The following LMO7 variants were observed in gnomAD, a reference collection of about 807,000 sequenced individuals.
LMO7 encodes the protein LIM domain only protein 7.
Under a neutral mutation model 206.5 loss-of-function variants are expected in LMO7, and 120 were observed. The ratio of observed to expected loss-of-function variants is 0.58; its 90% CI spans 0.50 to 0.68. The LOEUF (loss-of-function observed/expected upper bound fraction) is 0.68. Ranked by LOEUF, LMO7 falls within the 30% of genes least tolerant of loss-of-function variation. The pLI, the probability that LMO7 is intolerant of heterozygous loss-of-function variation, is 0.00. For missense variants in LMO7, 1,959 were observed against 1,957.9 expected (o/e 1.00, Z -0.01); for synonymous variants, 706 against 681.5 (o/e 1.04, Z -0.56).
At chr13:75,747,931 AT>A (rs1157995141) in intron 3 of LMO7, among the ~76,000 whole-genome samples, 1 of 152,106 alleles carries the variant, frequency 6.6e-6, no homozygotes, top group East Asian at 1.9e-4. Flanking sequence ...TGAGTGAGGG[AT>A]CCTCATGTAT....
chr13:75,688,088 A>G (rs1333815203), intron 1 of LMO7, among the ~76,000 whole-genome samples: 1 of 152,112 alleles, frequency 6.6e-6, no homozygotes, highest in East Asian at 1.9e-4. Context: ...GCCTTCCACC[A>G]TGATTGTGAG....
At chr13:75,771,036 C>T (rs1419610817) in intron 4 of LMO7, among the ~76,000 whole-genome samples, 2 of 152,020 alleles carry the variant, frequency 1.3e-5, no homozygotes. Context: ...TCATGAGTTG[C>T]TTTTTAACCA....
chr13:75,782,325 T>C (rs2051625454), intron 4 of LMO7, among the ~76,000 whole-genome samples: 1 of 152,228 alleles, frequency 6.6e-6, no homozygotes, highest in African/African-American at 2.4e-5. Flanking sequence ...ATGATCCTCA[T>C]ATGCTGTGAA....
chr13:75,855,319 C>T lies in LMO7; in HGVS notation c.4721C>T (p.Ala1574Val). ...YCNNILGKGA[A>V]MIIESLGLCY... ...AATAACATTCTGGGCAAAGGAGCCG[C>T]CATGATCATCGAGTCCCTGGGTCTT... The change falls in exon 29 of 31, where the codon GCC becomes GTC. Residue 1574 changes from alanine to valine, a missense_variant. Ala to Val is a moderately conservative substitution (Grantham distance 64). Transcript: ENST00000377534. 6.2e-7 allele frequency: 1 copy of T among 1,614,050 alleles called. No individual in the cohort carries two copies. Among genetic ancestry groups the T allele is most frequent in the Non-Finnish European group, 8.5e-7 (1 of 1,179,902 alleles).
intron 4 of LMO7, among the ~76,000 whole-genome samples, chr13:75,794,965 C>A (rs187085543): frequency 1.5e-3 from 226 of 152,170 alleles, no homozygotes; most frequent in African/African-American, 5.2e-3. Context: ...GTGCAAAAAA[C>A]CCCTCGCTTT....
At chr13:75,686,760 A>G (rs1272799255) in intron 1 of LMO7, among the ~76,000 whole-genome samples, 1 of 152,040 alleles carries the variant, frequency 6.6e-6, no homozygotes. Flanking sequence ...GCTATAACAG[A>G]GTATATAGGG....
chr13:75,670,691 A>G (rs2039484823), intron 1 of LMO7, among the ~76,000 whole-genome samples: 1 of 152,226 alleles, frequency 6.6e-6, no homozygotes, highest in Admixed American at 6.5e-5. Flanking sequence ...GGGTGAATCA[A>G]TAAGTCAGTG....
intron 4 of LMO7, among the ~76,000 whole-genome samples, chr13:75,772,988 TA>T (rs895752427): frequency 1.3e-5 from 2 of 151,688 alleles, no homozygotes; most frequent in African/African-American, 2.4e-5. Context: ...GTTTAGATAA[TA>T]AAAAAAAGTG....
At chr13:75,749,166 TA>T (rs2047088960) in intron 3 of LMO7, among the ~76,000 whole-genome samples, 1 of 152,196 alleles carries the variant, frequency 6.6e-6, no homozygotes, top group African/African-American at 2.4e-5. Flanking sequence ...ATTATCTATA[TA>T]AGTGATGCTA....
At chr13:75,676,126 C>T (rs952844248) in intron 1 of LMO7, among the ~76,000 whole-genome samples, 1 of 152,172 alleles carries the variant, frequency 6.6e-6, no homozygotes, top group Non-Finnish European at 1.5e-5. Flanking sequence ...TAGATGTTCA[C>T]TAAATGTTGG....
chr13:75,748,172 C>T (rs185256660), intron 3 of LMO7, among the ~76,000 whole-genome samples: 9 of 152,262 alleles, frequency 5.9e-5, no homozygotes, highest in African/African-American at 9.6e-5. Flanking sequence ...AACATAGTCC[C>T]AAGGGCACCT....
chr13:75,742,929 AACAG>A (rs1401121916), intron 3 of LMO7, among the ~76,000 whole-genome samples: 1 of 152,236 alleles, frequency 6.6e-6, no homozygotes, highest in African/African-American at 2.4e-5. Context: ...CAACAGAGTA[AACAG>A]ACAACCTACA....
intron 3 of LMO7, among the ~76,000 whole-genome samples, chr13:75,743,628 A>G (rs1248050691): frequency 6.6e-6 from 1 of 152,154 alleles, no homozygotes; most frequent in Non-Finnish European, 1.5e-5. Flanking sequence ...ATGTTCTCAC[A>G]TATAAGTGGG....
chr13:75,788,364 G>A (rs1336640747), intron 4 of LMO7, among the ~76,000 whole-genome samples: 1 of 145,566 alleles, frequency 6.9e-6, no homozygotes, highest in Non-Finnish European at 1.5e-5. Context: ...TGAGGCAGGA[G>A]AATCACTTGA....
At chr13:75,821,040 T>C in intron 13 of LMO7, 137 bp from the exon 14 acceptor site, 1 of 641,474 alleles carries the variant, frequency 1.6e-6, no homozygotes, top group East Asian at 2.7e-5. Flanking sequence ...CTTTATGCTC[T>C]GTAAGTGTTG....
exon 2 of LMO7, chr13:75,623,287 T>G (rs1434504119): frequency 1.4e-6 from 2 of 1,452,204 alleles, no homozygotes. Flanking sequence ...TTTTGAGGAC[T>G]GAACAAAATT....
chr13:75,742,128 G>A (rs2046465252), intron 3 of LMO7, among the ~76,000 whole-genome samples: 1 of 152,088 alleles, frequency 6.6e-6, no homozygotes, highest in Non-Finnish European at 1.5e-5. Context: ...ATTCACAGTT[G>A]CCACAAAAAG....
intron 4 of LMO7, among the ~76,000 whole-genome samples, chr13:75,781,096 C>CTTTTTTTT (rs367937964): frequency 4.1e-4 from 17 of 41,908 alleles, no homozygotes; most frequent in South Asian, 9.1e-4. Flanking sequence ...CTCTATTTTC[C>CTTTTTTTT]TTTTTTTTTT....
intron 3 of LMO7, among the ~76,000 whole-genome samples, chr13:75,728,539 G>A (rs1203383005): frequency 2.1e-5 from 3 of 143,450 alleles, no homozygotes; most frequent in Non-Finnish European, 3.0e-5. Flanking sequence ...TTTGTCAGAT[G>A]AGTAGGTTGT....
Sources: gnomAD v4.1 joint callset for allele counts (sites outside exome capture counted in the v4.1 genomes callset) on GRCh38, gnomAD v4.1.1 for gene constraint, MANE v1.5 for transcripts, NCBI Gene and HGNC (gene_info 2026-07-23, HGNC 2026-07-21) for gene names.